Variants in SGSM3 observed in about 807,000 individuals in gnomAD.
The protein encoded by SGSM3 is RUN and SH3 containing 3.
A neutral mutation model predicts 100.5 loss-of-function variants in SGSM3; 96 were observed. The ratio of observed to expected loss-of-function variants is 0.96; its 90% confidence interval spans 0.81 to 1.13. SGSM3 has a LOEUF of 1.13. Ranked by LOEUF, SGSM3 falls within the 50% of genes most tolerant of loss-of-function variation. The pLI is 0.00. For missense variants in SGSM3, 1,001 were observed against 1,015.8 expected (o/e 0.99, Z 0.20); for synonymous variants, 483 against 422.8 (o/e 1.14, Z -1.75).
At chr22:40,371,201 A>T (rs1350412600) in intron 1 of SGSM3, among the ~76,000 whole-genome samples, 1 of 152,184 alleles carries the variant, frequency 6.6e-6, no homozygotes, top group Non-Finnish European at 1.5e-5. Flanking sequence ...AGCACGGGGG[A>T]AACTGAGGCA....
At chr22:40,395,475 C>T (rs1017662390) in intron 1 of SGSM3, among the ~76,000 whole-genome samples, 1 of 152,128 alleles carries the variant, frequency 6.6e-6, no homozygotes, top group Non-Finnish European at 1.5e-5. Context: ...GTGCCTGCCA[C>T]CACGCCCAGC....
chr22:40,392,856 C>G (rs1056595983), intron 1 of SGSM3, among the ~76,000 whole-genome samples: 1 of 152,190 alleles, frequency 6.6e-6, no homozygotes, highest in Non-Finnish European at 1.5e-5. Context: ...TTCCCTCAGC[C>G]CCTGGCAACC....
chr22:40,389,694 G>C (rs1036540718), intron 1 of SGSM3, among the ~76,000 whole-genome samples: 6 of 150,904 alleles, frequency 4.0e-5, no homozygotes, highest in African/African-American at 1.5e-4. Flanking sequence ...GATCACCTGA[G>C]GTCAGGAGTT....
chr22:40,401,789 T>C, intron 3 of SGSM3, 114 bp downstream of exon 3: 1 of 822,150 alleles, frequency 1.2e-6, no homozygotes, highest in Non-Finnish European at 2.1e-6. Flanking sequence ...GGTTATGAGT[T>C]CCCCACCAGA....
At chr22:40,409,647 A>G in intron 21 of SGSM3, 35 bp from the exon 22 acceptor site, 1 of 1,613,154 alleles carries the variant, frequency 6.2e-7, no homozygotes, top group South Asian at 1.1e-5. Flanking sequence ...AGCCATGCCC[A>G]AGGCCTGTGA....
At position 40,407,996 on chromosome 22, in the gene SGSM3, A is replaced by AGCCT; in HGVS notation, c.1580-68_1580-65dup. The AGCCT allele has an allele frequency of 6.5e-7, 1 of 1,534,950 alleles. No homozygotes were observed. The highest frequency in any genetic ancestry group is 2.3e-5 in the East Asian group (1 of 44,282). On this transcript the variant is annotated intron_variant, in intron 14 of 21. Coordinates refer to ENST00000248929, the MANE Select transcript of SGSM3 (RefSeq NM_015705.6). The surrounding 1 kb of genome is among the most constrained non-coding windows in gnomAD (Gnocchi z 4.7). ...AGCTGAGCCGGCTTCCCACTGCCTC[A>AGCCT]GCCTGCCTGCAGGCTGTGTCTGCTC...
At chr22:40,377,180 A>G (rs1160264148) in intron 1 of SGSM3, among the ~76,000 whole-genome samples, 1 of 152,204 alleles carries the variant, frequency 6.6e-6, no homozygotes, top group African/African-American at 2.4e-5. Context: ...TGCTTTGGAG[A>G]ACAGTTCATC....
At chr22:40,370,743 AGGCGGGGGCTGC>A (rs2045242657) in intron 1 of SGSM3, 55 bp downstream of exon 1, 1 of 152,484 alleles carries the variant, frequency 6.6e-6, no homozygotes, top group Non-Finnish European at 1.5e-5. Context: ...AGTTCCCCTC[AGGCGGGGGCTGC>A]GGGGCGGCTG....
At chr22:40,382,346 G>A (rs759346151) in intron 1 of SGSM3, among the ~76,000 whole-genome samples, 2 of 152,148 alleles carry the variant, frequency 1.3e-5, no homozygotes, top group Non-Finnish European at 2.9e-5. Flanking sequence ...GTTGTTGGTA[G>A]GTAGTTTTTC....
intron 1 of SGSM3, among the ~76,000 whole-genome samples, chr22:40,395,573 C>G (rs754224280): frequency 6.6e-6 from 1 of 152,156 alleles, no homozygotes; most frequent in African/African-American, 2.4e-5. Flanking sequence ...CTGCCCATCT[C>G]GGGCTCCCAA....
Position 40,406,845 on chromosome 22 carries a change from G to T in SGSM3, c.1186-172G>T, listed in dbSNP as rs994338350. The T allele has an allele frequency of 6.8e-6, 6 of 877,906 alleles. No individual in the cohort carries two copies. In the African/African-American group the frequency reaches 1.0e-4, roughly 15 times the overall value. 54.4% of individuals were successfully genotyped at this position (877,906 alleles called of 1,614,324 possible). A position where few individuals can be genotyped will look rare whatever the true frequency, so the allele number is the denominator to read the frequency against. On this transcript the variant is annotated intron_variant, in intron 10 of 21. Transcript: ENST00000248929. ...CCTCCTCAGGCTTTGTGCACCTCAGGTTCTGATCCTGGCACGGTTTGGGAG... is the reference window on the plus strand; with the variant it reads ...CCTCCTCAGGCTTTGTGCACCTCAGTTTCTGATCCTGGCACGGTTTGGGAG...
intron 1 of SGSM3, among the ~76,000 whole-genome samples, chr22:40,380,364 A>ATT (rs555526386): frequency 0.022 from 2,942 of 134,214 alleles, 110 homozygotes; most frequent in African/African-American, 0.076. Context: ...AATATCTATA[A>ATT]TTTTTTTTTT....
chr22:40,407,665 GC>G lies in SGSM3; in HGVS notation c.1524+98del. 6.3e-7 allele frequency: 1 copy of G among 1,583,198 alleles called. No homozygotes were observed. Among genetic ancestry groups the G allele is most frequent in the African/African-American group, 1.3e-5 (1 of 74,470 alleles). On this transcript the variant is annotated intron_variant, in intron 13 of 21. Transcript: ENST00000248929. The surrounding 1 kb of genome is among the most constrained non-coding windows in gnomAD (Gnocchi z 4.7). ...ACCCCAACCCCTTTCCCTGCCAAGAGCTTCTCTTGTGAAGATGTAGGGGTCT... is the reference window on the plus strand; with the variant it reads ...ACCCCAACCCCTTTCCCTGCCAAGAGTTCTCTTGTGAAGATGTAGGGGTCT...
intron 1 of SGSM3, chr22:40,373,575 T>C (rs1364420622): frequency 1.3e-5 from 2 of 152,228 alleles, no homozygotes; most frequent in Non-Finnish European, 2.9e-5. Flanking sequence ...TTTATACATG[T>C]CAATGTATGT....
rs763475689 is a variant in SGSM3 at position 40,404,429 on chromosome 22, G to A, written c.340G>A (p.Gly114Ser). The A allele has an allele frequency of 1.2e-5, 19 of 1,604,656 alleles. No homozygotes were observed. The highest frequency in any genetic ancestry group is 6.8e-5 in the Admixed American group (4 of 59,194). ...GAAGCTCCGCTCCCTGGTGCTGGCC[G>A]GCATCCCACATGGCATGAGGCCACA... ...SEKLRSLVLA[G>S]IPHGMRPQLW... is the part of the protein sequence containing the mutation. Residue 114 changes from glycine (G) to serine (S), a missense_variant, in exon 5 of 22, where the codon GGC becomes AGC. Transcript: ENST00000248929.
chr22:40,382,244 C>G (rs1361319165), intron 1 of SGSM3, among the ~76,000 whole-genome samples: 1 of 152,132 alleles, frequency 6.6e-6, no homozygotes, highest in Non-Finnish European at 1.5e-5. Flanking sequence ...ACCAGTTCTT[C>G]CATTTATCTA....
chr22:40,372,122 C>CTTTT (rs58396730), intron 1 of SGSM3, among the ~76,000 whole-genome samples: 12 of 65,212 alleles, frequency 1.8e-4, no homozygotes, highest in East Asian at 4.8e-4. Flanking sequence ...TCCCCCCCCC[C>CTTTT]TTTTTTTTTT....
chr22:40,374,157 G>A (rs548326516), intron 1 of SGSM3, among the ~76,000 whole-genome samples: 10 of 150,834 alleles, frequency 6.6e-5, no homozygotes, highest in African/African-American at 2.4e-4. Context: ...GGGCTTCACC[G>A]TGTTAGCCAG....
rs1249233608 is a variant in SGSM3 at position 40,408,445 on chromosome 22, G to A, written c.1782+16G>A. The A allele has an allele frequency of 6.2e-7, 1 of 1,613,052 alleles. No individual in the cohort carries two copies. The highest frequency in any genetic ancestry group is 8.5e-7 in the Non-Finnish European group (1 of 1,179,832). On this transcript the variant is annotated intron_variant, in intron 16 of 21. Transcript: ENST00000248929. ...TATCGAGGAGGTAAGTCAGTGGCTG[G>A]GCCCATGACCCCCACCCTGCACCAG...
Sources: gnomAD v4.1 joint callset for allele counts (sites outside exome capture counted in the v4.1 genomes callset) on GRCh38, gnomAD v4.1.1 for gene constraint, Gnocchi (gnomAD v3.1) non-coding constraint, MANE v1.5 for transcripts, NCBI Gene and HGNC (gene_info 2026-07-23, HGNC 2026-07-21) for gene names.